NEMF: variants seen among roughly 807,000 people sequenced by gnomAD.
The protein encoded by NEMF is ribosome quality control complex subunit NEMF.
In NEMF, 89 loss-of-function variants were observed where a neutral mutation model predicts 162.2. The ratio of observed to expected loss-of-function variants is 0.55; its 90% CI spans 0.46 to 0.65. NEMF has a LOEUF of 0.65. Among genes scored for constraint, NEMF ranks in the 30% least tolerant of loss-of-function variants. NEMF has a pLI of 0.00. For synonymous variants in NEMF, 421 were observed against 404.5 expected (o/e 1.04, Z -0.49); for missense variants, 1,133 against 1,261.9 (o/e 0.90, Z 1.55).
At chr14:49,836,629 G>C (rs1383960409) in intron 6 of NEMF, among the ~76,000 whole-genome samples, 1 of 152,034 alleles carries the variant, frequency 6.6e-6, no homozygotes, top group African/African-American at 2.4e-5. Flanking sequence ...CTGGGCAACA[G>C]AGCGAGACCC....
At chr14:49,794,415 C>A (rs114851930) in intron 26 of NEMF, among the ~76,000 whole-genome samples, 231 of 151,950 alleles carry the variant, frequency 1.5e-3, no homozygotes, top group African/African-American at 5.3e-3. Context: ...AAAATCTGAC[C>A]TGTATGGAAG....
At chr14:49,809,551 C>G (rs1464193473) in intron 18 of NEMF, among the ~76,000 whole-genome samples, 1 of 152,040 alleles carries the variant, frequency 6.6e-6, no homozygotes. Context: ...TGTCCAAACT[C>G]AAAGACTATA....
intron 18 of NEMF, among the ~76,000 whole-genome samples, chr14:49,811,598 A>C (rs1255787816): frequency 3.9e-5 from 6 of 152,216 alleles, no homozygotes; most frequent in Non-Finnish European, 7.3e-5. Context: ...ATGCTTGTTT[A>C]CCAAGTTGAG....
intron 4 of NEMF, chr14:49,844,689 TTATG>T (rs1337352786): frequency 5.7e-6 from 1 of 173,958 alleles, no homozygotes; most frequent in South Asian, 1.1e-4. Context: ...CAGATTAAAT[TTATG>T]TATTTATTTA....
intron 5 of NEMF, chr14:49,839,675 A>G (rs566793155): frequency 6.6e-6 from 1 of 152,354 alleles, no homozygotes; most frequent in South Asian, 2.1e-4. Flanking sequence ...CAATTTACCA[A>G]GAAATCATAA....
chr14:49,820,433 T>C (rs1046720442), intron 16 of NEMF: 4 of 456,608 alleles, frequency 8.8e-6, no homozygotes, highest in Non-Finnish European at 1.8e-5. Flanking sequence ...TCGCTGAAGT[T>C]CCTTACCCTC....
In NEMF at chr14:49,851,669, T is replaced by C. The variant is rs1454000161; in HGVS notation, c.129-4A>G. 3 of 1,612,514 alleles carry C rather than the reference T, an allele frequency of 1.9e-6. No individual in the cohort carries two copies. Among genetic ancestry groups the C allele is most frequent in the Non-Finnish European group, 2.5e-6 (3 of 1,178,800 alleles). ...AAGTGTAGCTTTAAAGTCCGGTCTGTAGAAGAAAAAAGTCGAATTTTTCTT... is the reference window on the plus strand; with the variant it reads ...AAGTGTAGCTTTAAAGTCCGGTCTGCAGAAGAAAAAAGTCGAATTTTTCTT... On this transcript the variant is annotated splice_region_variant and splice_polypyrimidine_tract_variant and intron_variant, in intron 2 of 32. Coordinates refer to ENST00000298310, the MANE Select transcript of NEMF (RefSeq NM_004713.6).
At chr14:49,845,877 A>G in intron 4 of NEMF, 2 of 505,676 alleles carry the variant, frequency 4.0e-6, no homozygotes, top group Non-Finnish European at 6.9e-6. Flanking sequence ...AATGTCAAGT[A>G]CCAAATAATT....
At chr14:49,813,037 A>G (rs1045163386) in intron 18 of NEMF, among the ~76,000 whole-genome samples, 4 of 152,094 alleles carry the variant, frequency 2.6e-5, no homozygotes, top group African/African-American at 9.7e-5. Flanking sequence ...AGCCTCCCAA[A>G]GTGCTGGGAT....
At chr14:49,830,276 C>T (rs2139970824) in intron 11 of NEMF, among the ~76,000 whole-genome samples, 1 of 152,306 alleles carries the variant, frequency 6.6e-6, no homozygotes, top group South Asian at 2.1e-4. Flanking sequence ...AGTGCTGCCA[C>T]CATGTGGTAA....
intron 19 of NEMF, 91 bp downstream of exon 19, chr14:49,805,930 G>C (rs567767295): frequency 3.0e-5 from 21 of 694,122 alleles, no homozygotes; most frequent in Middle Eastern, 2.6e-4. Context: ...GCTCTATTGA[G>C]CCTTGTCTGC....
At chr14:49,836,452 G>A (rs1892908461) in intron 6 of NEMF, among the ~76,000 whole-genome samples, 1 of 152,026 alleles carries the variant, frequency 6.6e-6, no homozygotes, top group Non-Finnish European at 1.5e-5. Flanking sequence ...AGGAGTTCGA[G>A]ACCAACCTGG....
chr14:49,797,937 C>T (rs1020910202), intron 25 of NEMF, among the ~76,000 whole-genome samples: 12 of 152,152 alleles, frequency 7.9e-5, no homozygotes, highest in African/African-American at 2.9e-4. Context: ...TCACCAGGTA[C>T]TCAGGTTTTC....
chr14:49,852,756 C>A lies in NEMF; in HGVS notation c.-3G>T. 2.5e-6 allele frequency: 4 copies of A among 1,614,192 alleles called. No individual in the cohort carries two copies. The highest frequency in any genetic ancestry group is 2.5e-6 in the Non-Finnish European group (3 of 1,180,026). On this transcript the variant is annotated 5_prime_UTR_variant, in exon 1 of 33. Transcript: ENST00000298310. ...ATGGTGCTAAAGCGGCTCTTCATGG[C>A]GAGGCCCGAGGGTCACTACCGCAAG... is the stretch of plus-strand genomic sequence containing the variant.
chr14:49,794,279 T>A (rs1890585347), intron 26 of NEMF, among the ~76,000 whole-genome samples: 1 of 152,240 alleles, frequency 6.6e-6, no homozygotes, highest in Non-Finnish European at 1.5e-5. Context: ...TTATCAAGCA[T>A]TAAAATCTCA....
intron 29 of NEMF, chr14:49,786,427 T>A (rs1198175287): frequency 1.6e-5 from 6 of 365,700 alleles, no homozygotes; most frequent in South Asian, 1.5e-4. Flanking sequence ...GTGTTTGCTA[T>A]GTGCCATAAA....
intron 6 of NEMF, among the ~76,000 whole-genome samples, chr14:49,835,548 A>G (rs1892856879): frequency 1.3e-5 from 2 of 152,218 alleles, no homozygotes; most frequent in African/African-American, 4.8e-5. Flanking sequence ...AAAAACCTAC[A>G]GCTAACATGA....
chr14:49,805,374 C>G (rs139119416), intron 19 of NEMF, among the ~76,000 whole-genome samples: 1 of 151,758 alleles, frequency 6.6e-6, no homozygotes, highest in Non-Finnish European at 1.5e-5. Flanking sequence ...CCAAACTCAA[C>G]AGCACTGGCC....
intron 26 of NEMF, among the ~76,000 whole-genome samples, chr14:49,793,517 G>A (rs1385705111): frequency 6.6e-6 from 1 of 152,118 alleles, no homozygotes; most frequent in Non-Finnish European, 1.5e-5. Flanking sequence ...ACTCAAAGTG[G>A]TAAAAATGAC....
Sources: allele counts gnomAD v4.1 joint callset (sites outside exome capture counted in the v4.1 genomes callset), GRCh38; gene constraint gnomAD v4.1.1; transcripts MANE v1.5; gene names NCBI Gene and HGNC (gene_info 2026-07-23, HGNC 2026-07-21).